The following CPAMD8 variants were observed in gnomAD, a reference collection of about 807,000 sequenced individuals.
CPAMD8 encodes C3 and PZP-like alpha-2-macroglobulin domain-containing protein 8.
Under a neutral mutation model 224.7 loss-of-function variants are expected in CPAMD8, and 146 were observed. That is an observed-to-expected ratio of 0.65 (90% CI 0.57 to 0.75). The LOEUF (loss-of-function observed/expected upper bound fraction) is 0.75. CPAMD8 is among the 30% of genes least tolerant of loss of function. The probability of loss-of-function intolerance (pLI) is 0.00; values close to 1 mark genes in which losing one functional copy is unlikely to be tolerated. For synonymous variants in CPAMD8, 966 were observed against 1,044.6 expected (o/e 0.92, Z 1.45); for missense variants, 2,301 against 2,537.5 (o/e 0.91, Z 2.00).
Position 17,011,486 on chromosome 19 carries a change from T to G in CPAMD8, c.464A>C (p.Asn155Thr). Residue 155 changes from asparagine to threonine, a missense_variant, in exon 5 of 42, where the codon AAT becomes ACT. Physicochemically the swap from Asn to Thr is moderately conservative, Grantham distance 65. Coordinates refer to ENST00000443236, the MANE Select transcript of CPAMD8 (RefSeq NM_015692.5). Reference protein sequence around the residue: ...VLISIFTVSPNLRPVNEKLEA... With the variant: ...VLISIFTVSPTLRPVNEKLEA... ...CACCTTCTCGTTGACAGGCCTCAGA[T>G]TTGGAGAGACGGTGAAGATGCTTAT... 2 of 1,614,090 alleles carry G rather than the reference T, an allele frequency of 1.2e-6. No homozygotes were observed. The highest frequency in any genetic ancestry group is 1.7e-6 in the Non-Finnish European group (2 of 1,179,994).
chr19:16,918,422 A>G (rs1443439034), intron 27 of CPAMD8, among the ~76,000 whole-genome samples: 4 of 149,120 alleles, frequency 2.7e-5, no homozygotes. Flanking sequence ...CGTTTTTGGA[A>G]CTTTGTGGAA....
At chr19:16,965,144 C>T (rs1460843232) in intron 18 of CPAMD8, among the ~76,000 whole-genome samples, 1 of 151,820 alleles carries the variant, frequency 6.6e-6, no homozygotes, top group Admixed American at 6.6e-5. Flanking sequence ...CCTGTAGTCC[C>T]AGCTACTCAG....
chr19:17,008,365 G>T, intron 7 of CPAMD8, 140 bp downstream of exon 7: 1 of 1,072,992 alleles, frequency 9.3e-7, no homozygotes, highest in Non-Finnish European at 1.4e-6. Flanking sequence ...GTGGGTACCT[G>T]CCCTCCGCTC....
Position 16,903,772 on chromosome 19 carries a change from G to A in CPAMD8, c.4337C>T (p.Ser1446Phe), listed in dbSNP as rs1260807668. 6.2e-7 allele frequency: 1 copy of A among 1,614,148 alleles called. No individual in the cohort carries two copies. The highest frequency in any genetic ancestry group is 1.7e-5 in the Admixed American group (1 of 60,024). Residue 1446 changes from serine (S) to phenylalanine (F), a missense_variant, in exon 33 of 42, where the codon TCC becomes TTC. Physicochemically the swap from Ser to Phe is radical, Grantham distance 155. This residue lies in a region of CPAMD8 where 1,709 missense variants were observed against 1,753.2 expected (regional missense o/e 0.97). Transcript: ENST00000443236. ...GGTTTCCTGGTAGTCCAGGTTGGTG[G>A]AGGCCAGGGAGACAGTGAGGTTGAT... ...GGINLTVSLA[S>F]TNLDYQETFE...
intron 22 of CPAMD8, among the ~76,000 whole-genome samples, chr19:16,939,623 T>C (rs1329158216): frequency 6.6e-6 from 1 of 152,100 alleles, no homozygotes; most frequent in African/African-American, 2.4e-5. Flanking sequence ...TCAGCATTGG[T>C]GTTGGAGGAC....
chr19:16,969,961 G>A (rs991780265), intron 18 of CPAMD8, among the ~76,000 whole-genome samples: 7 of 151,390 alleles, frequency 4.6e-5, no homozygotes, highest in East Asian at 1.9e-4. Flanking sequence ...ATTGCCAGGC[G>A]CAGTGGCTCA....
chr19:16,948,905 AGGGAAG>A (rs1342263990), intron 20 of CPAMD8, among the ~76,000 whole-genome samples: 1 of 79,332 alleles, frequency 1.3e-5, no homozygotes, highest in Non-Finnish European at 2.3e-5. Context: ...AGGGAAGGGA[AGGGAAG>A]GGAAAGGAAG....
chr19:16,980,817 T>C, intron 13 of CPAMD8, 131 bp from the exon 14 acceptor site: 4 of 601,446 alleles, frequency 6.7e-6, no homozygotes, highest in Non-Finnish European at 1.1e-5. Flanking sequence ...CATCCAGTCC[T>C]GGCCCCTAGC....
In CPAMD8 at chr19:16,899,623, T is replaced by C; in HGVS notation, c.4774-74A>G. On this transcript the variant is annotated intron_variant, in intron 36 of 41. Transcript: ENST00000443236. This position sits in a 1 kb window ranked among gnomAD's most constrained non-coding sequence, Gnocchi z 5.4. ...CTCTCCCATCCCCTGGGGGCAGTGG[T>C]CAGTGGGATGCTTGGACTTGCCCAC... is the stretch of plus-strand genomic sequence containing the variant. The C allele has an allele frequency of 1.3e-6, 1 of 791,266 alleles. No individual in the cohort carries two copies. Among genetic ancestry groups the C allele is most frequent in the East Asian group, 2.5e-5 (1 of 40,752 alleles). 49.0% of individuals were successfully genotyped at this position (791,266 alleles called of 1,614,324 possible). A position where few individuals can be genotyped will look rare whatever the true frequency, so the allele number is the denominator to read the frequency against.
intron 26 of CPAMD8, among the ~76,000 whole-genome samples, chr19:16,924,690 C>A (rs1005058717): frequency 6.6e-6 from 1 of 152,226 alleles, no homozygotes; most frequent in African/African-American, 2.4e-5. Context: ...AAGTGATCCT[C>A]CTGCCTCAGC....
At chr19:16,946,967 G>C in intron 21 of CPAMD8, 107 bp downstream of exon 21, 1 of 1,219,842 alleles carries the variant, frequency 8.2e-7, no homozygotes, top group Non-Finnish European at 1.1e-6. Context: ...GGACAGTCCT[G>C]ACCTTACCTG....
chr19:16,903,880 C>T, intron 32 of CPAMD8, 23 bp from the exon 33 acceptor site: 1 of 1,609,750 alleles, frequency 6.2e-7, no homozygotes, highest in Non-Finnish European at 8.5e-7. Context: ...GAGGAGACGG[C>T]CATCAACCCT....
chr19:16,897,860 G>T, intron 38 of CPAMD8, 29 bp downstream of exon 38: 2 of 1,587,874 alleles, frequency 1.3e-6, no homozygotes, highest in East Asian at 2.3e-5. Flanking sequence ...GGACCGGGCC[G>T]GGCCGGGGGT....
At chr19:16,950,388 G>T (rs1477859190) in intron 20 of CPAMD8, among the ~76,000 whole-genome samples, 1 of 152,164 alleles carries the variant, frequency 6.6e-6, no homozygotes, top group Non-Finnish European at 1.5e-5. Context: ...AAAACTGAGT[G>T]AGTGGGATCT....
chr19:16,901,517 G>T (rs1032156059), intron 35 of CPAMD8, among the ~76,000 whole-genome samples: 1 of 152,188 alleles, frequency 6.6e-6, no homozygotes, highest in African/African-American at 2.4e-5. Context: ...CCTTGCCAAG[G>T]GCTCTAGGCC....
intron 19 of CPAMD8, among the ~76,000 whole-genome samples, chr19:16,955,852 T>A (rs952671689): frequency 4.0e-5 from 6 of 151,750 alleles, no homozygotes; most frequent in East Asian, 3.9e-4. Flanking sequence ...AATTTAAAAA[T>A]TTTTTTTAGA....
chr19:16,958,217 A>G (rs990739062), intron 18 of CPAMD8, among the ~76,000 whole-genome samples: 2 of 152,148 alleles, frequency 1.3e-5, no homozygotes, highest in African/African-American at 4.8e-5. Context: ...AGATTATTTC[A>G]TCACCCAGAT....
intron 13 of CPAMD8, among the ~76,000 whole-genome samples, chr19:16,984,621 G>A (rs1387800837): frequency 6.6e-6 from 1 of 152,174 alleles, no homozygotes; most frequent in East Asian, 1.9e-4. Flanking sequence ...CATAGTATAG[G>A]AGAAAATGTC....
At chr19:16,977,895 A>G (rs2055340055) in intron 14 of CPAMD8, among the ~76,000 whole-genome samples, 1 of 151,956 alleles carries the variant, frequency 6.6e-6, no homozygotes, top group Non-Finnish European at 1.5e-5. Context: ...CAGCTCCCCA[A>G]TATGCCCCTG....
Sources: allele counts gnomAD v4.1 joint callset (sites outside exome capture counted in the v4.1 genomes callset), GRCh38; gene constraint gnomAD v4.1.1; regional missense constraint gnomAD v4.1.1; non-coding constraint Gnocchi (gnomAD v3.1); transcripts MANE v1.5; gene names NCBI Gene and HGNC (gene_info 2026-07-23, HGNC 2026-07-21).